IL1RAP: variants seen among roughly 807,000 people sequenced by gnomAD.
The protein encoded by IL1RAP is interleukin 1 receptor accessory protein.
Under a neutral mutation model 60.7 loss-of-function variants are expected in IL1RAP, and 35 were observed. The observed-to-expected ratio is 0.58, with a 90% confidence interval of 0.44 to 0.76. The LOEUF (loss-of-function observed/expected upper bound fraction) is 0.76. Among genes scored for constraint, IL1RAP ranks in the 30% least tolerant of loss-of-function variants. The pLI is 0.00. For synonymous variants in IL1RAP, 268 were observed against 250.9 expected, an observed-to-expected ratio of 1.07 and a Z score of -0.64; for missense variants, 572 against 693.9, an observed-to-expected ratio of 0.82 and a Z score of 1.97.
chr3:190,647,616 T>G (rs1045652492), intron 11 of IL1RAP, among the ~76,000 whole-genome samples: 1 of 152,158 alleles, frequency 6.6e-6, no homozygotes, highest in Non-Finnish European at 1.5e-5. Flanking sequence ...CATAGCTTTA[T>G]AGTAATGGTC....
chr3:190,585,875 G>T (rs1264444345), intron 3 of IL1RAP, among the ~76,000 whole-genome samples: 1 of 152,062 alleles, frequency 6.6e-6, no homozygotes, highest in African/African-American at 2.4e-5. Context: ...GTGACTCTCA[G>T]TTGCTACAAG....
chr3:190,611,487 T>C (rs1730821034), intron 5 of IL1RAP, among the ~76,000 whole-genome samples: 2 of 152,166 alleles, frequency 1.3e-5, no homozygotes, highest in African/African-American at 2.4e-5. Flanking sequence ...AGGGACTGTA[T>C]AGATTAAAAG....
intron 4 of IL1RAP, among the ~76,000 whole-genome samples, chr3:190,606,502 A>T (rs1427912839): frequency 6.6e-6 from 1 of 152,222 alleles, no homozygotes; most frequent in Non-Finnish European, 1.5e-5. Context: ...TATGGTCTCC[A>T]CTGTGTATCT....
intron 1 of IL1RAP, among the ~76,000 whole-genome samples, chr3:190,529,436 C>G (rs1042424564): frequency 6.6e-6 from 1 of 151,998 alleles, no homozygotes; most frequent in African/African-American, 2.4e-5. Flanking sequence ...GCCTGTAATC[C>G]CAGCACTTTG....
intron 1 of IL1RAP, among the ~76,000 whole-genome samples, chr3:190,545,636 A>G (rs1272838899): frequency 6.6e-6 from 1 of 152,218 alleles, no homozygotes; most frequent in Admixed American, 6.5e-5. Flanking sequence ...TGACAAGAAC[A>G]TACAATGGAA....
chr3:190,634,707 GT>G (rs1167445179), intron 9 of IL1RAP, among the ~76,000 whole-genome samples: 45 of 134,630 alleles, frequency 3.3e-4, no homozygotes, highest in Non-Finnish European at 4.4e-4. Flanking sequence ...GGCCTGTTGT[GT>G]TTTTTTTTTT....
intron 3 of IL1RAP, among the ~76,000 whole-genome samples, chr3:190,571,938 C>T (rs988759802): frequency 2.6e-5 from 4 of 152,276 alleles, no homozygotes; most frequent in South Asian, 2.1e-4. Context: ...ACAGGAGAGC[C>T]GGAAGATTGG....
chr3:190,654,262 G>A (rs12107735), downstream of IL1RAP, among the ~76,000 whole-genome samples: 2,849 of 147,826 alleles, frequency 0.019, 101 homozygotes, highest in African/African-American at 0.068. Context: ...TGACAAGCTA[G>A]CCATGTTGCC....
intron 1 of IL1RAP, among the ~76,000 whole-genome samples, chr3:190,532,340 G>C (rs563994678): frequency 2.0e-4 from 29 of 147,090 alleles, no homozygotes; most frequent in African/African-American, 7.4e-4. Context: ...TCGGCTCACT[G>C]CAAGCTTCGC....
intron 5 of IL1RAP, among the ~76,000 whole-genome samples, chr3:190,614,364 C>T (rs1731078737): frequency 6.6e-6 from 1 of 151,940 alleles, no homozygotes; most frequent in South Asian, 2.1e-4. Flanking sequence ...ATATTTCTTA[C>T]ATTTCAGTAA....
At chr3:190,643,181 TAAAC>T (rs1261153728) in intron 9 of IL1RAP, among the ~76,000 whole-genome samples, 3 of 152,120 alleles carry the variant, frequency 2.0e-5, no homozygotes, top group African/African-American at 7.2e-5. Context: ...AATCAAATGA[TAAAC>T]AAAGGGAAGA....
At chr3:190,556,657 A>G (rs1051581335) in intron 2 of IL1RAP, among the ~76,000 whole-genome samples, 6 of 152,192 alleles carry the variant, frequency 3.9e-5, no homozygotes, top group Non-Finnish European at 8.8e-5. Flanking sequence ...ATATTTTGAC[A>G]ATAGAGCACT....
intron 3 of IL1RAP, among the ~76,000 whole-genome samples, chr3:190,566,508 G>C (rs1560174306): frequency 1.3e-5 from 2 of 152,100 alleles, no homozygotes; most frequent in Admixed American, 6.5e-5. Context: ...CCCACCTCAA[G>C]TGCTGTTGGT....
intron 1 of IL1RAP, among the ~76,000 whole-genome samples, chr3:190,538,703 A>G (rs752341109): frequency 2.0e-5 from 3 of 152,082 alleles, no homozygotes; most frequent in Non-Finnish European, 4.4e-5. Flanking sequence ...GCTGTATCCC[A>G]CCTAAATTTC....
chr3:190,522,330 CT>C (rs1428743162), intron 1 of IL1RAP, among the ~76,000 whole-genome samples: 5 of 138,286 alleles, frequency 3.6e-5, no homozygotes, highest in African/African-American at 1.6e-4. Flanking sequence ...TCCTTCCTTC[CT>C]TCCTTCCTTC....
chr3:190,558,441 T>C (rs766131057), intron 2 of IL1RAP, among the ~76,000 whole-genome samples: 2 of 152,182 alleles, frequency 1.3e-5, no homozygotes, highest in Non-Finnish European at 2.9e-5. Flanking sequence ...TCTTCATCAC[T>C]TGGTATTGTC....
chr3:190,656,028 C>T, downstream of IL1RAP: 1 of 1,537,202 alleles, frequency 6.5e-7, no homozygotes, highest in African/African-American at 1.4e-5. Context: ...CCATTGCCAC[C>T]AAGCTCATTG....
At chr3:190,536,000 G>C (rs1054379664) in intron 1 of IL1RAP, among the ~76,000 whole-genome samples, 4 of 152,158 alleles carry the variant, frequency 2.6e-5, no homozygotes, top group African/African-American at 9.7e-5. Flanking sequence ...TTTTGAACAT[G>C]AATTATTTTT....
At chr3:190,655,077 T>C (rs991977130), downstream of IL1RAP, among the ~76,000 whole-genome samples, 2 of 152,060 alleles carry the variant, frequency 1.3e-5, no homozygotes, top group African/African-American at 2.4e-5. Context: ...ATTTAATTGA[T>C]AACAAGATAA....
Sources: allele counts gnomAD v4.1 joint callset (sites outside exome capture counted in the v4.1 genomes callset), GRCh38; gene constraint gnomAD v4.1.1; transcripts MANE v1.5; gene names NCBI Gene and HGNC (gene_info 2026-07-23, HGNC 2026-07-21).